Variants in TRPV1 observed in about 807,000 individuals in gnomAD.
TRPV1 encodes transient receptor potential cation channel subfamily V member 1.
TRPV1 carries 82 observed loss-of-function variants against 82.3 expected under a neutral mutation model. The ratio of observed to expected loss-of-function variants is 1.00; its 90% CI spans 0.83 to 1.20. TRPV1 has a LOEUF of 1.20. TRPV1 is among the 50% of genes most tolerant of loss of function. The pLI is 0.00. For missense variants in TRPV1, 1,067 were observed against 1,096.8 expected (o/e 0.97, Z 0.38); for synonymous variants, 515 against 467.7 (o/e 1.10, Z -1.30).
Position 3,571,523 on chromosome 17 carries a change from C to T in TRPV1, c.2347+1G>A, listed in dbSNP as rs1402281127. 6.3e-7 allele frequency: 1 copy of T among 1,594,660 alleles called. No individual in the cohort carries two copies. The highest frequency in any genetic ancestry group is 8.5e-7 in the Non-Finnish European group (1 of 1,170,700). On this transcript the variant is annotated splice_donor_variant, in intron 16 of 16. Coordinates refer to ENST00000572705, the MANE Select transcript of TRPV1 (RefSeq NM_080704.4). LOFTEE classifies it high-confidence loss of function. ...GCCAAGCACCGGCCCTCACGCCTCA[C>T]CTCTGCTTGACCGCAGGGAGAAGCT... is the stretch of plus-strand genomic sequence containing the variant.
In TRPV1 at chr17:3,591,068, T is replaced by C. The variant is rs1295333087; in HGVS notation, c.500A>G (p.His167Arg). 1.2e-6 allele frequency: 2 copies of C among 1,613,200 alleles called. No homozygotes were observed. Among genetic ancestry groups the C allele is most frequent in the Non-Finnish European group, 8.5e-7 (1 of 1,179,646 alleles). The change falls in exon 5 of 17, where the codon CAC becomes CGC. Residue 167 changes from histidine to arginine, a missense_variant. His to Arg is a conservative substitution (Grantham distance 29). Transcript: ENST00000572705. ...TCLLKAMLNL[H>R]DGQNTTIPLL... ...GGGGATGGTGGTGTTCTGTCCGTCG[T>C]GCAGGTTGAGCATGGCTTTCAGCAG...
intron 2 of TRPV1, among the ~76,000 whole-genome samples, chr17:3,599,163 C>T (rs553908028): frequency 2.8e-4 from 42 of 151,902 alleles, no homozygotes; most frequent in Non-Finnish European, 5.3e-4. Flanking sequence ...CACTTGAACC[C>T]GGGAGGTGGA....
At chr17:3,599,288 CAA>C (rs2150857356) in intron 2 of TRPV1, among the ~76,000 whole-genome samples, 1 of 134,854 alleles carries the variant, frequency 7.4e-6, no homozygotes, top group African/African-American at 3.9e-5. Flanking sequence ...ATATATATAA[CAA>C]AATTTACCGT....
intron 2 of TRPV1, among the ~76,000 whole-genome samples, chr17:3,598,095 C>T (rs1429479024): frequency 6.6e-6 from 1 of 152,266 alleles, no homozygotes; most frequent in Non-Finnish European, 1.5e-5. Flanking sequence ...AGGTTTCATT[C>T]TCTCCCAGAC....
chr17:3,592,764 G>A (rs2075176095), intron 2 of TRPV1: 2 of 168,974 alleles, frequency 1.2e-5, no homozygotes, highest in Non-Finnish European at 2.5e-5. Flanking sequence ...ACAGAACAAG[G>A]AAAACGGCCG....
chr17:3,601,250 A>G (rs2075260606), intron 2 of TRPV1, among the ~76,000 whole-genome samples: 1 of 151,844 alleles, frequency 6.6e-6, no homozygotes, highest in African/African-American at 2.4e-5. Flanking sequence ...CTGAATGACC[A>G]GAAGTGCCTC....
At chr17:3,588,043 T>C in intron 8 of TRPV1, 145 bp downstream of exon 8, 2 of 857,660 alleles carry the variant, frequency 2.3e-6, no homozygotes, top group Non-Finnish European at 3.5e-6. Context: ...TGGGCATGAG[T>C]GGGGAACGTG....
chr17:3,584,108 TA>T (rs1176274006), intron 9 of TRPV1, among the ~76,000 whole-genome samples: 1 of 151,756 alleles, frequency 6.6e-6, no homozygotes, highest in African/African-American at 2.4e-5. Flanking sequence ...CCATCTCTAC[TA>T]AAAATACAAA....
chr17:3,593,622 G>A (rs1418479493), intron 2 of TRPV1, among the ~76,000 whole-genome samples: 1 of 152,116 alleles, frequency 6.6e-6, no homozygotes, highest in African/African-American at 2.4e-5. Context: ...TCAGGATCCA[G>A]CACTGATGCC....
chr17:3,569,814 G>A (rs2074822750), intron 16 of TRPV1, among the ~76,000 whole-genome samples: 2 of 152,120 alleles, frequency 1.3e-5, no homozygotes, highest in African/African-American at 2.4e-5. Flanking sequence ...AAGGTCTCTG[G>A]GCCTCTGAGG....
intron 16 of TRPV1, among the ~76,000 whole-genome samples, chr17:3,567,653 G>A (rs1004027803): frequency 6.6e-6 from 1 of 151,880 alleles, no homozygotes; most frequent in Non-Finnish European, 1.5e-5. Context: ...CAACGCCGAG[G>A]CCTGTCCTGT....
At chr17:3,571,778 T>C (rs1334884155) in intron 15 of TRPV1, 139 bp from the exon 16 acceptor site, 2 of 667,814 alleles carry the variant, frequency 3.0e-6, no homozygotes, top group Non-Finnish European at 5.2e-6. Flanking sequence ...GAGGACTTGA[T>C]TTTTGGACAC....
intron 13 of TRPV1, 24 bp downstream of exon 13, chr17:3,577,102 C>T (rs8078936): frequency 0.35 from 553,411 of 1,566,982 alleles, 101,634 homozygotes; most frequent in East Asian, 0.52. Context: ...CCTGCCCTCC[C>T]CCAGCGCTGA....
At chr17:3,584,572 G>A (rs1321626099) in intron 9 of TRPV1, among the ~76,000 whole-genome samples, 5 of 152,068 alleles carry the variant, frequency 3.3e-5, no homozygotes, top group South Asian at 2.1e-4. Flanking sequence ...CGAGGCAGGC[G>A]ATCACTTGAG....
chr17:3,593,371 T>C (rs2075186217), intron 2 of TRPV1, among the ~76,000 whole-genome samples: 1 of 152,078 alleles, frequency 6.6e-6, no homozygotes, highest in Non-Finnish European at 1.5e-5. Flanking sequence ...CACCTAGAGA[T>C]CAGCTGGCCG....
chr17:3,586,824 T>C (rs368941688), intron 8 of TRPV1, among the ~76,000 whole-genome samples: 1 of 152,136 alleles, frequency 6.6e-6, no homozygotes, highest in African/African-American at 2.4e-5. Flanking sequence ...CTGAGACTGA[T>C]GAGCCAAAAT....
chr17:3,572,044 G>A (rs1416171066), intron 15 of TRPV1, 78 bp downstream of exon 15: 2 of 1,537,070 alleles, frequency 1.3e-6, no homozygotes, highest in East Asian at 4.7e-5. Flanking sequence ...CCCTCATGGA[G>A]GCCCTGAGGC....
At chr17:3,576,552 T>C (rs1001541952) in intron 13 of TRPV1, among the ~76,000 whole-genome samples, 2 of 148,830 alleles carry the variant, frequency 1.3e-5, no homozygotes, top group Non-Finnish European at 3.0e-5. Context: ...CTCGGGAGGC[T>C]GAGGCAGGAG....
intron 2 of TRPV1, among the ~76,000 whole-genome samples, chr17:3,594,665 T>C (rs1354795862): frequency 1.3e-5 from 2 of 152,250 alleles, no homozygotes; most frequent in Non-Finnish European, 2.9e-5. Context: ...AGAAAGCCGA[T>C]TCCCTCATCT....
Sources: gnomAD v4.1 joint callset for allele counts (sites outside exome capture counted in the v4.1 genomes callset) on GRCh38, gnomAD v4.1.1 for gene constraint, MANE v1.5 for transcripts, NCBI Gene and HGNC (gene_info 2026-07-23, HGNC 2026-07-21) for gene names.